PRKN: variants seen among roughly 807,000 people sequenced by gnomAD.
The protein encoded by PRKN is parkin RBR E3 ubiquitin protein ligase.
A neutral mutation model predicts 59.5 loss-of-function variants in PRKN; 56 were observed. That is an observed-to-expected ratio of 0.94 (90% CI 0.76 to 1.18). The LOEUF (loss-of-function observed/expected upper bound fraction) is 1.18, where lower values mean the gene tolerates loss of function less well. Among genes scored for constraint, PRKN ranks in the 50% most tolerant of loss-of-function variants. PRKN has a pLI of 0.00. For synonymous variants in PRKN, 250 were observed against 222.1 expected (o/e 1.13, Z -1.12); for missense variants, 657 against 596.4 (o/e 1.10, Z -1.06).
intron 3 of PRKN, among the ~76,000 whole-genome samples, chr6:162,226,624 C>T (rs1244056936): frequency 6.6e-6 from 1 of 152,156 alleles, no homozygotes; most frequent in African/African-American, 2.4e-5. Context: ...ATCTCCGCCT[C>T]CTGGGTTCAA....
chr6:162,448,878 TCTCTCTCTCTCCCTTC>T, intron 1 of PRKN, among the ~76,000 whole-genome samples: 1 of 143,516 alleles, frequency 7.0e-6, no homozygotes, highest in Non-Finnish European at 1.5e-5. Context: ...TCTTTTCCTC[TCTCTCTCTCTCCCTTC>T]CTCTCTCTCT....
At chr6:162,235,319 T>C (rs1778604686) in intron 3 of PRKN, among the ~76,000 whole-genome samples, 2 of 152,280 alleles carry the variant, frequency 1.3e-5, no homozygotes, top group South Asian at 4.1e-4. Flanking sequence ...CTGGAGGCGA[T>C]GTTTAATATT....
chr6:162,119,722 T>G (rs1780826008), intron 4 of PRKN, among the ~76,000 whole-genome samples: 1 of 152,030 alleles, frequency 6.6e-6, no homozygotes, highest in Non-Finnish European at 1.5e-5. Context: ...GTAAGAAGCC[T>G]TGAAGGAAGG....
intron 7 of PRKN, among the ~76,000 whole-genome samples, chr6:161,601,940 CTG>C: frequency 6.6e-6 from 1 of 152,286 alleles, no homozygotes; most frequent in African/African-American, 2.4e-5. Flanking sequence ...AAACTAAAAA[CTG>C]TTATTTTTTT....
At chr6:162,107,481 T>C (rs1185978464) in intron 4 of PRKN, among the ~76,000 whole-genome samples, 1 of 152,082 alleles carries the variant, frequency 6.6e-6, no homozygotes, top group Non-Finnish European at 1.5e-5. Context: ...AATAAATGAA[T>C]AAAAAGTTGT....
At chr6:161,923,646 T>C (rs1281034892) in intron 6 of PRKN, among the ~76,000 whole-genome samples, 4 of 151,872 alleles carry the variant, frequency 2.6e-5, no homozygotes, top group African/African-American at 9.7e-5. Flanking sequence ...GTTATTACTA[T>C]ATGTATAACT....
chr6:162,291,276 G>C (rs1781416640), intron 2 of PRKN, among the ~76,000 whole-genome samples: 1 of 152,044 alleles, frequency 6.6e-6, no homozygotes, highest in Non-Finnish European at 1.5e-5. Context: ...CAGTTCATTG[G>C]CATCGTCTAC....
intron 7 of PRKN, among the ~76,000 whole-genome samples, chr6:161,625,790 C>A (rs900054477): frequency 1.3e-5 from 2 of 152,064 alleles, no homozygotes; most frequent in African/African-American, 4.8e-5. Flanking sequence ...AATGCCAGAA[C>A]ATTTCTGCTC....
chr6:161,638,584 G>A (rs150199941), intron 7 of PRKN, among the ~76,000 whole-genome samples: 169 of 152,158 alleles, frequency 1.1e-3, no homozygotes, highest in African/African-American at 3.9e-3. Context: ...CTAGTAATAT[G>A]GTTTGACTAT....
At chr6:161,752,172 C>T (rs1023282425) in intron 7 of PRKN, among the ~76,000 whole-genome samples, 1 of 151,640 alleles carries the variant, frequency 6.6e-6, no homozygotes, top group African/African-American at 2.4e-5. Context: ...GAGATCGAGA[C>T]CATCCTGGCC....
chr6:161,828,762 TACA>T (rs1792350943), intron 6 of PRKN, among the ~76,000 whole-genome samples: 2 of 151,860 alleles, frequency 1.3e-5, no homozygotes, highest in Admixed American at 6.6e-5. Context: ...CTACTAAAAA[TACA>T]ACAATAACAA....
At chr6:162,182,928 A>G (rs556268457) in intron 4 of PRKN, among the ~76,000 whole-genome samples, 74 of 152,236 alleles carry the variant, frequency 4.9e-4, no homozygotes, top group Middle Eastern at 3.4e-3. Context: ...CTTTTCACCT[A>G]CTTCTAAAAT....
intron 2 of PRKN, among the ~76,000 whole-genome samples, chr6:162,342,308 G>A (rs1323522831): frequency 1.3e-5 from 2 of 152,118 alleles, no homozygotes; most frequent in Admixed American, 6.5e-5. Flanking sequence ...GTTTTTCCAC[G>A]AGTAAGTGAG....
intron 7 of PRKN, among the ~76,000 whole-genome samples, chr6:161,653,180 G>T (rs952948547): frequency 1.3e-5 from 2 of 152,110 alleles, no homozygotes; most frequent in East Asian, 3.9e-4. Flanking sequence ...GGCCAACATG[G>T]TGAAACCCCG....
chr6:162,400,860 A>G (rs1787757901), intron 2 of PRKN, among the ~76,000 whole-genome samples: 1 of 152,230 alleles, frequency 6.6e-6, no homozygotes, highest in African/African-American at 2.4e-5. Flanking sequence ...GAACTACTAT[A>G]TACATCATAC....
chr6:162,400,231 C>CAA (rs201273234), intron 2 of PRKN, among the ~76,000 whole-genome samples: 6 of 140,194 alleles, frequency 4.3e-5, no homozygotes, highest in African/African-American at 7.7e-5. Context: ...CAAACAACAA[C>CAA]AAAAAAAAAA....
intron 1 of PRKN, among the ~76,000 whole-genome samples, chr6:162,716,190 TC>T (rs1488389340): frequency 2.0e-5 from 3 of 152,246 alleles, no homozygotes; most frequent in Admixed American, 6.5e-5. Context: ...TCTGCATTCA[TC>T]TATTTAAAAA....
intron 1 of PRKN, among the ~76,000 whole-genome samples, chr6:162,454,677 C>T (rs1397955259): frequency 6.6e-6 from 1 of 152,190 alleles, no homozygotes; most frequent in Non-Finnish European, 1.5e-5. Flanking sequence ...CACACCGTTC[C>T]TTCAAACAGA....
At chr6:162,405,999 T>C (rs1236113981) in intron 2 of PRKN, among the ~76,000 whole-genome samples, 1 of 152,188 alleles carries the variant, frequency 6.6e-6, no homozygotes, top group African/African-American at 2.4e-5. Context: ...TGGACCCTCC[T>C]GCTGGGCTGA....
Sources: allele counts gnomAD v4.1 joint callset (sites outside exome capture counted in the v4.1 genomes callset), GRCh38; gene constraint gnomAD v4.1.1; transcripts MANE v1.5; gene names NCBI Gene and HGNC (gene_info 2026-07-23, HGNC 2026-07-21).